The following IP6K1 variants were observed in gnomAD, a reference collection of about 807,000 sequenced individuals.
The protein encoded by IP6K1 is inositol hexakisphosphate kinase 1, also known as ATP:1D-myo-inositol-hexakisphosphate phosphotransferase.
IP6K1 carries 13 observed loss-of-function variants against 38.3 expected under a neutral mutation model. That is an observed-to-expected ratio of 0.34 (90% CI 0.22 to 0.54). The LOEUF is 0.54. Among genes scored for constraint, IP6K1 ranks in the 20% least tolerant of loss-of-function variants. The probability of loss-of-function intolerance (pLI) is 0.92; values close to 1 mark genes in which losing one functional copy is unlikely to be tolerated. For missense variants in IP6K1, 397 were observed against 599.8 expected (o/e 0.66, Z 3.53); for synonymous variants, 212 against 229.9 (o/e 0.92, Z 0.70).
At chr3:49,738,994 C>T (rs1047954714) in intron 2 of IP6K1, among the ~76,000 whole-genome samples, 6 of 152,264 alleles carry the variant, frequency 3.9e-5, no homozygotes, top group South Asian at 4.1e-4. Flanking sequence ...GTGCTGTATC[C>T]GTAATAGTTT....
At chr3:49,767,329 A>G (rs2080920527) in intron 1 of IP6K1, among the ~76,000 whole-genome samples, 2 of 152,122 alleles carry the variant, frequency 1.3e-5, no homozygotes, top group South Asian at 4.1e-4. Flanking sequence ...CTGTAATCCC[A>G]ACACTTTGGG....
At chr3:49,746,930 T>A (rs1405799456) in intron 2 of IP6K1, among the ~76,000 whole-genome samples, 1 of 152,196 alleles carries the variant, frequency 6.6e-6, no homozygotes, top group Admixed American at 6.5e-5. Flanking sequence ...ATTTAATAGG[T>A]ACCGAGTTTG....
chr3:49,729,083 T>C (rs1389866768), intron 4 of IP6K1, among the ~76,000 whole-genome samples: 8 of 151,946 alleles, frequency 5.3e-5, no homozygotes, highest in African/African-American at 1.9e-4. Flanking sequence ...ACCCATTAAA[T>C]AGCACTGAAC....
rs143042526 is a variant in IP6K1 at position 49,756,055 on chromosome 3, C to T, written c.-128-7887G>A. On this transcript the variant is annotated intron_variant, in intron 1 of 5. Coordinates refer to ENST00000321599, the MANE Select transcript of IP6K1 (RefSeq NM_153273.4). ...TAGGGACTGGCACATCCCTCAGAAA[C>T]CAGAAATGTGTATAGATGTCTAGAG... 6.3e-3 allele frequency among the ~76,000 whole-genome samples: 959 copies of T among 152,168 alleles called. 9 individuals are homozygous for T. Among genetic ancestry groups the T allele is most frequent in the Non-Finnish European group, 0.01 (706 of 68,000 alleles).
chr3:49,756,568 A>G (rs2080824979), intron 1 of IP6K1, among the ~76,000 whole-genome samples: 1 of 152,200 alleles, frequency 6.6e-6, no homozygotes, highest in Admixed American at 6.5e-5. Context: ...CTGTAATCCT[A>G]GCACTTTGGG....
intron 1 of IP6K1, chr3:49,758,674 T>C (rs1030906518): frequency 3.9e-5 from 6 of 151,924 alleles, no homozygotes; most frequent in African/African-American, 1.5e-4. Flanking sequence ...ATATAAGGAG[T>C]TTCTTTGGCC....
chr3:49,743,627 T>G (rs2080693932), intron 2 of IP6K1, among the ~76,000 whole-genome samples: 1 of 150,210 alleles, frequency 6.7e-6, no homozygotes, highest in Non-Finnish European at 1.5e-5. Context: ...TTGTTTTTTT[T>G]TTTTTTTTGA....
chr3:49,776,819 A>C (rs948475570), intron 1 of IP6K1, among the ~76,000 whole-genome samples: 4 of 152,360 alleles, frequency 2.6e-5, no homozygotes, highest in Middle Eastern at 3.4e-3. Context: ...ATTTATGTGA[A>C]ACTTCTAAGA....
intron 1 of IP6K1, chr3:49,775,716 C>T (rs2081001452): frequency 7.6e-6 from 3 of 393,332 alleles, no homozygotes; most frequent in African/African-American, 6.2e-5. Flanking sequence ...CAGAGCATCA[C>T]CAGGAGTGCC....
intron 3 of IP6K1, among the ~76,000 whole-genome samples, chr3:49,735,034 C>T (rs549676347): frequency 1.3e-5 from 2 of 152,196 alleles, no homozygotes; most frequent in African/African-American, 4.8e-5. Flanking sequence ...ATGAAGCAAC[C>T]TCTGTACCTT....
intron 1 of IP6K1, among the ~76,000 whole-genome samples, chr3:49,759,207 C>G (rs776261703): frequency 6.6e-6 from 1 of 152,146 alleles, no homozygotes; most frequent in Non-Finnish European, 1.5e-5. Context: ...ATCTGGAGGA[C>G]TCTTCCTTTG....
chr3:49,779,430 T>C (rs1192261082), intron 1 of IP6K1, among the ~76,000 whole-genome samples: 6 of 152,226 alleles, frequency 3.9e-5, no homozygotes, highest in African/African-American at 7.2e-5. Flanking sequence ...TAAACATTCA[T>C]GTACAAGTTT....
At chr3:49,739,330 G>A (rs1407049176) in intron 2 of IP6K1, among the ~76,000 whole-genome samples, 3 of 149,176 alleles carry the variant, frequency 2.0e-5, no homozygotes, top group African/African-American at 7.4e-5. Context: ...CTTTTATGTT[G>A]TAGAATAATT....
chr3:49,772,798 C>G (rs1040243985), intron 1 of IP6K1, among the ~76,000 whole-genome samples: 2 of 146,996 alleles, frequency 1.4e-5, no homozygotes, highest in Admixed American at 1.4e-4. Flanking sequence ...GGTCTCACTA[C>G]GTTGCCCAGG....
In IP6K1 at chr3:49,781,131, A is replaced by G. The variant is rs538157171; in HGVS notation, c.-129+5223T>C. On this transcript the variant is annotated intron_variant, in intron 1 of 5. Coordinates refer to ENST00000321599, the MANE Select transcript of IP6K1 (RefSeq NM_153273.4). ...GGCTAGAGTGCAGTGGCGCAATCTC[A>G]GCTCACTGCAACCTCTGCCTTCCAG... 1.7e-3 allele frequency among the ~76,000 whole-genome samples: 263 copies of G among 150,602 alleles called. 1 individual carries two copies. The highest frequency in any genetic ancestry group is 3.4e-3 in the Middle Eastern group (1 of 290).
At chr3:49,738,498 C>G (rs772141163) in intron 2 of IP6K1, 76 bp from the exon 3 acceptor site, 14 of 1,109,090 alleles carry the variant, frequency 1.3e-5, no homozygotes, top group Non-Finnish European at 1.9e-5. Context: ...TTGGCACTCA[C>G]TTTCCCACAC....
rs539620735 is a variant in IP6K1, at chr3:49,761,391, C to T, written c.-128-13223G>A. 4.5e-3 allele frequency among the ~76,000 whole-genome samples: 681 copies of T among 152,012 alleles called. 1 individual carries two copies. The highest frequency in any genetic ancestry group is 6.9e-3 in the Non-Finnish European group (470 of 67,980). On this transcript the variant is annotated intron_variant, in intron 1 of 5. Coordinates refer to ENST00000321599, the MANE Select transcript of IP6K1 (RefSeq NM_153273.4). The stretch of plus-strand genomic sequence containing the variant: ...CCTGTAATCCCAGCACTTTGGGAGG[C>T]CGAGGCGGGCGGATCACGAGGTCAG...
intron 1 of IP6K1, among the ~76,000 whole-genome samples, chr3:49,758,203 A>G (rs1448697567): frequency 1.3e-5 from 2 of 150,230 alleles, no homozygotes; most frequent in Non-Finnish European, 1.5e-5. Context: ...AGTCCCAGCT[A>G]CTCGACAGGC....
intron 2 of IP6K1, among the ~76,000 whole-genome samples, chr3:49,739,346 C>T (rs1447584223): frequency 7.1e-6 from 1 of 139,956 alleles, no homozygotes; most frequent in Non-Finnish European, 1.5e-5. Context: ...TAATTATTGG[C>T]TTAAAGTTCT....
Sources: gnomAD v4.1 joint callset for allele counts (sites outside exome capture counted in the v4.1 genomes callset) on GRCh38, gnomAD v4.1.1 for gene constraint, MANE v1.5 for transcripts, NCBI Gene and HGNC (gene_info 2026-07-23, HGNC 2026-07-21) for gene names.